Variants in SEC23A observed in about 807,000 individuals in gnomAD.
SEC23A encodes the protein protein transport protein Sec23A.
In SEC23A, 56 loss-of-function variants were observed where a neutral mutation model predicts 103.7. The observed-to-expected ratio is 0.54, with a 90% confidence interval of 0.44 to 0.67. The LOEUF is 0.67. SEC23A is among the 30% of genes least tolerant of loss of function. The pLI, the probability that SEC23A is intolerant of heterozygous loss-of-function variation, is 0.00. For synonymous variants in SEC23A, 281 were observed against 293.0 expected (o/e 0.96, Z 0.42); for missense variants, 784 against 936.4 (o/e 0.84, Z 2.12).
chr14:39,045,621 T>C (rs569140973), intron 15 of SEC23A, among the ~76,000 whole-genome samples: 1 of 152,022 alleles, frequency 6.6e-6, no homozygotes, highest in East Asian at 1.9e-4. Flanking sequence ...CACTCTGGGA[T>C]GGCTTGGGGC....
chr14:39,053,792 C>T (rs1027444631), intron 14 of SEC23A, among the ~76,000 whole-genome samples: 2 of 152,104 alleles, frequency 1.3e-5, no homozygotes, highest in Admixed American at 1.3e-4. Context: ...AAAGAAGTAC[C>T]TTCAAAGAAT....
Position 39,096,197 on chromosome 14 carries a change from T to A in SEC23A, c.-21-58A>T, listed in dbSNP as rs1283086561. On this transcript the variant is annotated intron_variant, in intron 1 of 19. Transcript: ENST00000307712. ...AGGATCCTCTTAAGAACGTTCAAAA[T>A]ATGAATGTTCTCCCCTCATTCAGCA... 5 of 1,146,208 alleles carry A rather than the reference T, an allele frequency of 4.4e-6. No homozygotes were observed. The Admixed American group carries it at 5.4e-5, about 12-fold the overall frequency. 71.0% of individuals were successfully genotyped at this position (1,146,208 alleles called of 1,614,324 possible).
At chr14:39,057,488 T>G (rs1223718168) in intron 13 of SEC23A, among the ~76,000 whole-genome samples, 2 of 152,088 alleles carry the variant, frequency 1.3e-5, no homozygotes, top group Non-Finnish European at 2.9e-5. Flanking sequence ...ACCTCCGCCT[T>G]CTGAGCAGCA....
At chr14:39,037,999 T>C (rs34985331) in intron 19 of SEC23A, among the ~76,000 whole-genome samples, 32,000 of 152,168 alleles carry the variant, frequency 0.21, 3,910 homozygotes, top group Middle Eastern at 0.34. Context: ...AAATCTGCCC[T>C]CTGTCCACCT....
chr14:39,065,997 C>CAAAAA lies in SEC23A; in HGVS notation c.1228-1009_1228-1005dup, dbSNP rs59260008. ...GGGCAATAAGAGCGAAACTCCATCTCAAAAAAAAAAAAAAAAAAAAAAAAA... is the reference window on the plus strand; with the variant it reads ...GGGCAATAAGAGCGAAACTCCATCTCAAAAAAAAAAAAAAAAAAAAAAAAAAAAAA... On this transcript the variant is annotated intron_variant, in intron 10 of 19. Coordinates refer to ENST00000307712, the MANE Select transcript of SEC23A (RefSeq NM_006364.4). Among the ~76,000 whole-genome samples, 6 of 80,556 alleles carry CAAAAA rather than the reference C, an allele frequency of 7.4e-5. 2 individuals are homozygous for CAAAAA. The highest frequency in any genetic ancestry group is 2.6e-4 in the African/African-American group (5 of 19,126). The allele number at this position is 80,556 out of a possible 152,430, so 52.8% of individuals were successfully genotyped here. A position where few individuals can be genotyped will look rare whatever the true frequency, so the allele number is the denominator to read the frequency against.
At chr14:39,099,433 C>G (rs1888010255) in intron 1 of SEC23A, among the ~76,000 whole-genome samples, 1 of 152,138 alleles carries the variant, frequency 6.6e-6, no homozygotes, top group Non-Finnish European at 1.5e-5. Flanking sequence ...GCTGGGATTA[C>G]ATGCTTGAGG....
chr14:39,041,001 C>A, intron 17 of SEC23A, 114 bp from the exon 18 acceptor site: 1 of 1,177,148 alleles, frequency 8.5e-7, no homozygotes, highest in Non-Finnish European at 1.1e-6. Flanking sequence ...GACCATTATT[C>A]CATTTACCTC....
chr14:39,050,677 G>A (rs1462476255), intron 14 of SEC23A, among the ~76,000 whole-genome samples: 2 of 152,198 alleles, frequency 1.3e-5, no homozygotes, highest in South Asian at 2.1e-4. Context: ...AGGAAGCCGG[G>A]AGCAGTGGCA....
intron 7 of SEC23A, among the ~76,000 whole-genome samples, chr14:39,080,734 G>C (rs1411226008): frequency 1.3e-5 from 2 of 151,998 alleles, no homozygotes; most frequent in Non-Finnish European, 2.9e-5. Context: ...TAAAACAATG[G>C]AACAAAACTA....
In SEC23A at chr14:39,045,050, TTTAG is replaced by T. The variant is rs151073914; in HGVS notation, c.1899+109_1899+112del. 1,268 of 893,212 alleles carry T rather than the reference TTTAG, an allele frequency of 1.4e-3. 6 individuals are homozygous for T. The African/African-American group carries it at 0.02, about 14-fold the overall frequency. The allele number at this position is 893,212 out of a possible 1,614,324, so 55.3% of individuals were successfully genotyped here. On this transcript the variant is annotated intron_variant, in intron 16 of 19. Coordinates refer to ENST00000307712, the MANE Select transcript of SEC23A (RefSeq NM_006364.4). ...ATTAATAGGTTGAGATGTCCATTCT[TTTAG>T]TTAAATTCTTATATTTAGTAACTAT...
chr14:39,033,231 T>C lies in SEC23A; in HGVS notation c.*8A>G. 1.9e-6 allele frequency: 3 copies of C among 1,584,498 alleles called. No individual in the cohort carries two copies. Among genetic ancestry groups the C allele is most frequent in the Middle Eastern group, 1.7e-4 (1 of 6,008 alleles). On this transcript the variant is annotated 3_prime_UTR_variant, in exon 20 of 20. Transcript: ENST00000307712. Reference sequence around the variant, plus strand: ...ATCTTCTTAAGTGTCTTTAACATTATTAGCACTTCAAGCAGCACTGGACAC... The same window carrying C: ...ATCTTCTTAAGTGTCTTTAACATTACTAGCACTTCAAGCAGCACTGGACAC...
chr14:39,076,398 G>A (rs1051364353), intron 7 of SEC23A, among the ~76,000 whole-genome samples: 2 of 150,858 alleles, frequency 1.3e-5, no homozygotes, highest in Non-Finnish European at 3.0e-5. Context: ...GTGGAAGAGT[G>A]AACATCTTCT....
At chr14:39,067,072 A>G (rs1020942417) in intron 10 of SEC23A, 101 bp downstream of exon 10, 9 of 1,427,918 alleles carry the variant, frequency 6.3e-6, no homozygotes, top group Non-Finnish European at 8.8e-6. Flanking sequence ...CACAATTTTG[A>G]AAGTAAATAT....
intron 2 of SEC23A, among the ~76,000 whole-genome samples, 165 bp from the exon 3 acceptor site, chr14:39,093,409 A>G (rs1887732267): frequency 6.6e-6 from 1 of 152,228 alleles, no homozygotes; most frequent in South Asian, 2.1e-4. Flanking sequence ...GCCAATATCT[A>G]ATTCACACTT....
chr14:39,066,623 G>A (rs1386400444), intron 10 of SEC23A, among the ~76,000 whole-genome samples: 1 of 152,102 alleles, frequency 6.6e-6, no homozygotes, highest in Middle Eastern at 3.2e-3. Context: ...TCAGCACTTT[G>A]GAAAGCTGAG....
chr14:39,074,115 T>C (rs1342132911), intron 9 of SEC23A, among the ~76,000 whole-genome samples: 1 of 152,186 alleles, frequency 6.6e-6, no homozygotes, highest in African/African-American at 2.4e-5. Flanking sequence ...ACATTTTAAA[T>C]GGTAAGTTTA....
intron 9 of SEC23A, among the ~76,000 whole-genome samples, chr14:39,069,836 C>T (rs1886784651): frequency 2.0e-5 from 3 of 152,144 alleles, no homozygotes; most frequent in Admixed American, 2.0e-4. Flanking sequence ...ACATGGCTCA[C>T]TCTCACTTGC....
rs1162128490 is a variant in SEC23A at position 39,095,918 on chromosome 14, A to G, written c.201T>C (p.Arg67=). The change falls in exon 2 of 20, where the codon CGT becomes CGC. Residue 67 remains arginine (R), a synonymous_variant. Transcript: ENST00000307712. ...EPVLCSRTTC[R]AVLNPLCQVD... The stretch of plus-strand genomic sequence containing the variant: ...CTTACCATAAAGGATTCAAAACTGC[A>G]CGGCAAGTGGTCCTACTACACAGAA... 1 of 1,613,456 alleles carries G rather than the reference A, an allele frequency of 6.2e-7. No homozygotes were observed. Among genetic ancestry groups the G allele is most frequent in the African/African-American group, 1.3e-5 (1 of 74,910 alleles).
intron 1 of SEC23A, among the ~76,000 whole-genome samples, chr14:39,098,991 C>A (rs991647236): frequency 6.6e-6 from 1 of 151,734 alleles, no homozygotes; most frequent in Non-Finnish European, 1.5e-5. Context: ...TGACTGTTTT[C>A]TCAATTCTCC....
Sources: gnomAD v4.1 joint callset for allele counts (sites outside exome capture counted in the v4.1 genomes callset) on GRCh38, gnomAD v4.1.1 for gene constraint, MANE v1.5 for transcripts, NCBI Gene and HGNC (gene_info 2026-07-23, HGNC 2026-07-21) for gene names.